The following GAB2 variants were observed in gnomAD, a reference collection of about 807,000 sequenced individuals.
GAB2 encodes the protein GRB2 associated binding protein 2.
GAB2 carries 26 observed loss-of-function variants against 65.5 expected under a neutral mutation model. The observed-to-expected ratio is 0.40, with a 90% confidence interval of 0.29 to 0.55. The LOEUF is 0.55. GAB2 is among the 20% of genes least tolerant of loss of function. The pLI is 0.53. For synonymous variants in GAB2, 321 were observed against 329.6 expected (o/e 0.97, Z 0.28); for missense variants, 884 against 875.8 (o/e 1.01, Z -0.12).
intron 1 of GAB2, among the ~76,000 whole-genome samples, chr11:78,415,990 G>A (rs1857190923): frequency 6.7e-6 from 1 of 148,166 alleles, no homozygotes. Flanking sequence ...TAGCTTGTAT[G>A]GAAATCTATT....
At position 78,302,821 on chromosome 11, in the gene GAB2, T is replaced by C. The variant is rs188131392; in HGVS notation, c.76-21920A>G. ...GGATAAAGAAACTGAGATATATATATGTATCTATACAGATAGATATATGAT... is the reference window on the plus strand; with the variant it reads ...GGATAAAGAAACTGAGATATATATACGTATCTATACAGATAGATATATGAT... On this transcript the variant is annotated intron_variant, in intron 1 of 9. Transcript: ENST00000361507. 5.9e-5 allele frequency among the ~76,000 whole-genome samples: 9 copies of C among 152,286 alleles called. No individual in the cohort carries two copies. In the East Asian group the frequency reaches 1.7e-3, roughly 29 times the overall value.
At chr11:78,352,472 G>A (rs11237465) in intron 1 of GAB2, among the ~76,000 whole-genome samples, 6,046 of 152,320 alleles carry the variant, frequency 0.04, 179 homozygotes, top group Middle Eastern at 0.092. Flanking sequence ...CATGTGATAA[G>A]CTGAAAGGAT....
intron 1 of GAB2, among the ~76,000 whole-genome samples, chr11:78,342,611 T>A (rs923320287): frequency 3.9e-5 from 6 of 152,130 alleles, no homozygotes; most frequent in African/African-American, 1.4e-4. Context: ...GGTTTCACCA[T>A]GTTAGCCAGG....
chr11:78,346,704 TA>T lies in GAB2; in HGVS notation c.76-65804del, dbSNP rs1565168204. The stretch of plus-strand genomic sequence containing the variant: ...ATATATATATATATATATATATATA[TA>T]TATATATATATATATAATTTTTTTT... On this transcript the variant is annotated intron_variant, in intron 1 of 9. Coordinates refer to ENST00000361507, the MANE Select transcript of GAB2 (RefSeq NM_080491.3). 2.7e-4 allele frequency among the ~76,000 whole-genome samples: 27 copies of T among 100,156 alleles called. 2 individuals are homozygous for T. The highest frequency in any genetic ancestry group is 1.0e-3 in the East Asian group (3 of 2,962). The allele number at this position is 100,156 out of a possible 152,430, so 65.7% of individuals were successfully genotyped here.
chr11:78,307,822 T>C (rs1467301352), intron 1 of GAB2, among the ~76,000 whole-genome samples: 1 of 152,230 alleles, frequency 6.6e-6, no homozygotes, highest in East Asian at 1.9e-4. Flanking sequence ...AGGTGCCAAC[T>C]TGACTGGGTT....
At chr11:78,258,021 T>TG (rs1348145846) in intron 2 of GAB2, among the ~76,000 whole-genome samples, 1 of 152,134 alleles carries the variant, frequency 6.6e-6, no homozygotes, top group African/African-American at 2.4e-5. Context: ...AATATGAGGA[T>TG]GGGGGTCCAG....
At chr11:78,315,416 A>G (rs1423959542) in intron 1 of GAB2, among the ~76,000 whole-genome samples, 1 of 152,208 alleles carries the variant, frequency 6.6e-6, no homozygotes, top group African/African-American at 2.4e-5. Context: ...TCACACAAAT[A>G]CAAAAGAAAT....
At chr11:78,270,018 G>A (rs1460885801) in intron 2 of GAB2, among the ~76,000 whole-genome samples, 2 of 152,140 alleles carry the variant, frequency 1.3e-5, no homozygotes, top group Non-Finnish European at 2.9e-5. Flanking sequence ...CCTCTAAGAA[G>A]GATCATGTTA....
At chr11:78,256,379 T>C (rs1388724954) in intron 2 of GAB2, among the ~76,000 whole-genome samples, 3 of 152,238 alleles carry the variant, frequency 2.0e-5, no homozygotes, top group East Asian at 1.9e-4. Context: ...CCAGGGGTGA[T>C]TGTGGAAAGG....
intron 3 of GAB2, among the ~76,000 whole-genome samples, chr11:78,236,208 G>A (rs913278597): frequency 3.9e-5 from 6 of 152,068 alleles, no homozygotes; most frequent in Admixed American, 1.3e-4. Flanking sequence ...GGTACCATTC[G>A]ATATATAATT....
At chr11:78,312,846 T>C (rs927580368) in intron 1 of GAB2, among the ~76,000 whole-genome samples, 3 of 152,212 alleles carry the variant, frequency 2.0e-5, no homozygotes, top group Non-Finnish European at 2.9e-5. Flanking sequence ...CTCTGGGCTC[T>C]TTTTGCTCAC....
chr11:78,376,562 A>G (rs1856633668), intron 1 of GAB2, among the ~76,000 whole-genome samples: 1 of 152,224 alleles, frequency 6.6e-6, no homozygotes, highest in Non-Finnish European at 1.5e-5. Context: ...GGTTGTGTTC[A>G]GTATATGTGA....
intron 1 of GAB2, among the ~76,000 whole-genome samples, chr11:78,308,535 A>T (rs1855420093): frequency 6.6e-6 from 1 of 152,242 alleles, no homozygotes; most frequent in Non-Finnish European, 1.5e-5. Context: ...AAGAAACAGG[A>T]TCAGATCAAG....
chr11:78,383,208 G>T (rs184195419), intron 1 of GAB2, among the ~76,000 whole-genome samples: 89 of 152,278 alleles, frequency 5.8e-4, no homozygotes, highest in African/African-American at 2.1e-3. Flanking sequence ...GGAGGCAGAG[G>T]TTGCAGTGAG....
chr11:78,235,296 G>A (rs931452299), intron 3 of GAB2, among the ~76,000 whole-genome samples: 1 of 151,824 alleles, frequency 6.6e-6, no homozygotes, highest in Non-Finnish European at 1.5e-5. Flanking sequence ...GGGACTAAAG[G>A]CGCCCGTCAC....
intron 1 of GAB2, among the ~76,000 whole-genome samples, chr11:78,320,212 T>C (rs565325311): frequency 5.9e-5 from 9 of 152,086 alleles, no homozygotes; most frequent in Non-Finnish European, 1.2e-4. Context: ...TTATTTTCTT[T>C]TTTTCTAGAG....
In GAB2 at chr11:78,348,324, G is replaced by A. The variant is rs186998169; in HGVS notation, c.76-67423C>T. Among the ~76,000 whole-genome samples the A allele has an allele frequency of 1.7e-3, 261 of 152,286 alleles. 1 individual carries two copies. The highest frequency in any genetic ancestry group is 5.7e-3 in the African/African-American group (236 of 41,542). ...CATGTTTTCACAGATTGAAGGAAAT[G>A]TTTAATATATTTCTATCTTACAAAG... is the stretch of plus-strand genomic sequence containing the variant. On this transcript the variant is annotated intron_variant, in intron 1 of 9. Coordinates refer to ENST00000361507, the MANE Select transcript of GAB2 (RefSeq NM_080491.3).
At chr11:78,386,940 A>G (rs569061687) in intron 1 of GAB2, among the ~76,000 whole-genome samples, 2 of 152,372 alleles carry the variant, frequency 1.3e-5, no homozygotes, top group South Asian at 2.1e-4. Context: ...AGCCTTCTAT[A>G]TATTTATTAT....
chr11:78,227,631 C>CAAA lies in GAB2; in HGVS notation c.621-583_621-581dup, dbSNP rs55716895. Reference sequence around the variant, plus strand: ...GAACACAATAAGACTCCATTGCCACCAAAAAAAAAAAAAAAAGAACTAGCT... The same window carrying CAAA: ...GAACACAATAAGACTCCATTGCCACCAAAAAAAAAAAAAAAAAAAGAACTAGCT... On this transcript the variant is annotated intron_variant, in intron 3 of 9. Coordinates refer to ENST00000361507, the MANE Select transcript of GAB2 (RefSeq NM_080491.3). Among the ~76,000 whole-genome samples the CAAA allele has an allele frequency of 1.5e-3, 159 of 106,126 alleles. 2 individuals are homozygous for CAAA. The highest frequency in any genetic ancestry group is 5.4e-3 in the African/African-American group (150 of 27,594). The allele number at this position is 106,126 out of a possible 152,430, so 69.6% of individuals were successfully genotyped here. A position where few individuals can be genotyped will look rare whatever the true frequency, so the allele number is the denominator to read the frequency against.
Sources: allele counts gnomAD v4.1 joint callset (sites outside exome capture counted in the v4.1 genomes callset), GRCh38; gene constraint gnomAD v4.1.1; transcripts MANE v1.5; gene names NCBI Gene and HGNC (gene_info 2026-07-23, HGNC 2026-07-21).